The following HOXA9 variants were observed in gnomAD, a reference collection of about 807,000 sequenced individuals.
The protein encoded by HOXA9 is homeobox A9, also known as homeobox protein Hox-A9.
A neutral mutation model predicts 19.0 loss-of-function variants in HOXA9; 18 were observed. That is an observed-to-expected ratio of 0.95 (90% confidence interval 0.65 to 1.40). HOXA9 has a LOEUF of 1.40. HOXA9 is among the 40% of genes most tolerant of loss of function. HOXA9 has a pLI of 0.00. For synonymous variants in HOXA9, 198 were observed against 161.1 expected (o/e 1.23, Z -1.73); for missense variants, 443 against 372.2 (o/e 1.19, Z -1.57).
In HOXA9 at chr7:27,165,515, A is replaced by C; in HGVS notation, c.-58T>G. Reference sequence around the variant, plus strand: ...ACCCACGGAAATTATGAAACTGCAGATTTCATGTAACAACTTGGTGGCACC... The same window carrying C: ...ACCCACGGAAATTATGAAACTGCAGCTTTCATGTAACAACTTGGTGGCACC... On this transcript the variant is annotated 5_prime_UTR_variant, in exon 1 of 2. Coordinates refer to ENST00000343483, the MANE Select transcript of HOXA9 (RefSeq NM_152739.4). 1 of 1,481,496 alleles carries C rather than the reference A, an allele frequency of 6.7e-7. No homozygotes were observed. Among genetic ancestry groups the C allele is most frequent in the African/African-American group, 1.4e-5 (1 of 69,340 alleles). The allele number at this position is 1,481,496 out of a possible 1,614,324, so 91.8% of individuals were successfully genotyped here. A position where few individuals can be genotyped will look rare whatever the true frequency, so the allele number is the denominator to read the frequency against.
rs189277058 is a variant in HOXA9 at position 27,163,011 on chromosome 7, T to C, written c.*592A>G. Reference sequence around the variant, plus strand: ...GAAGACATATTCCACTACAGAGCTATACTCTATGCAACTGTTTTTTTCCCC... The same window carrying C: ...GAAGACATATTCCACTACAGAGCTACACTCTATGCAACTGTTTTTTTCCCC... On this transcript the variant is annotated 3_prime_UTR_variant, in exon 2 of 2. Transcript: ENST00000343483. 5 of 204,208 alleles carry C rather than the reference T, an allele frequency of 2.4e-5. No homozygotes were observed. The highest frequency in any genetic ancestry group is 1.8e-4 in the Admixed American group (3 of 16,744). 12.6% of individuals were successfully genotyped at this position (204,208 alleles called of 1,614,324 possible).
chr7:27,164,376 C>T (rs1783270293), intron 1 of HOXA9, among the ~76,000 whole-genome samples: 1 of 152,208 alleles, frequency 6.6e-6, no homozygotes, highest in Non-Finnish European at 1.5e-5. Flanking sequence ...TCATGGGGAC[C>T]CTTGTGGCCC....
rs780692577 is a variant in HOXA9, at chr7:27,163,840, A to G, written c.582T>C (p.Asn194=). The G allele has an allele frequency of 1.9e-6, 3 of 1,613,132 alleles. No homozygotes were observed. Among genetic ancestry groups the G allele is most frequent in the Non-Finnish European group, 2.5e-6 (3 of 1,179,490 alleles). Residue 194 remains asparagine (N), a splice_region_variant and synonymous_variant, in exon 2 of 2, where the codon AAT becomes AAC. Coordinates refer to ENST00000343483, the MANE Select transcript of HOXA9 (RefSeq NM_152739.4). ...SGGDKPPIDP[N]NPAANWLHAR... is the part of the protein sequence containing the mutation. ...CATGAAGCCAGTTGGCTGCTGGGTT[A>G]TCTGCGGGGAAGAGAAACACTGGGT... is the stretch of plus-strand genomic sequence containing the variant.
In HOXA9 at chr7:27,164,989, A is replaced by G. The variant is rs750288349; in HGVS notation, c.469T>C (p.Tyr157His). ...TCAACTGGAGGAGAACCACAAGCAT[A>G]GTCAGTCAGGGACAAAGTGTGAGTG... ...LDTHTLSLTD[Y>H]ACGSPPVDRE... The change falls in exon 1 of 2, where the codon TAT becomes CAT. Residue 157 changes from tyrosine to histidine, a missense_variant. Transcript: ENST00000343483. The G allele has an allele frequency of 3.1e-6, 5 of 1,614,236 alleles. No individual in the cohort carries two copies. The highest frequency in any genetic ancestry group is 4.2e-6 in the Non-Finnish European group (5 of 1,180,040).
chr7:27,163,750 C>A lies in HOXA9; in HGVS notation c.672G>T (p.Glu224Asp). ...TGGTGAGGTACATGTTGAACAGAAACTCTTTCTCCAGTTCCAGGGTCTGGT... is the reference window on the plus strand; with the variant it reads ...TGGTGAGGTACATGTTGAACAGAAAATCTTTCTCCAGTTCCAGGGTCTGGT... ...TKHQTLELEK[E>D]FLFNMYLTRD... Residue 224 changes from glutamate to aspartate, a missense_variant, in exon 2 of 2, where the codon GAG (glutamate) becomes GAT (aspartate). Glu to Asp is a conservative substitution (Grantham distance 45, BLOSUM62 2). Coordinates refer to ENST00000343483, the MANE Select transcript of HOXA9 (RefSeq NM_152739.4). The A allele has an allele frequency of 6.2e-7, 1 of 1,614,070 alleles. No individual in the cohort carries two copies. Among genetic ancestry groups the A allele is most frequent in the Non-Finnish European group, 8.5e-7 (1 of 1,180,014 alleles).
In HOXA9 at chr7:27,163,240, T is replaced by C. The variant is rs776708316; in HGVS notation, c.*363A>G. 3.9e-5 allele frequency: 10 copies of C among 259,504 alleles called. No homozygotes were observed. The highest frequency in any genetic ancestry group is 7.4e-5 in the Non-Finnish European group (10 of 134,586). The allele number at this position is 259,504 out of a possible 1,614,324, so 16.1% of individuals were successfully genotyped here. On this transcript the variant is annotated 3_prime_UTR_variant, in exon 2 of 2. Transcript: ENST00000343483. ...AAACTATACAGCCTACCATCAACAG[T>C]TGTGCATTATAAAAAGGTAGTTTCT...
At chr7:27,164,731 G>C (rs1583425959) in intron 1 of HOXA9, 147 bp downstream of exon 1, 1 of 1,304,044 alleles carries the variant, frequency 7.7e-7, no homozygotes, top group Non-Finnish European at 1.0e-6. Flanking sequence ...TATCTGAGGC[G>C]TCCCAAACAC....
Position 27,165,099 on chromosome 7 carries a change from G to T in HOXA9, c.359C>A (p.Ser120Tyr). 3.7e-6 allele frequency: 6 copies of T among 1,612,922 alleles called. No individual in the cohort carries two copies. The highest frequency in any genetic ancestry group is 5.1e-6 in the Non-Finnish European group (6 of 1,179,604). ...CCGGCTGGAGGGCAAGCCCGCGAAG[G>T]AGAGCGCACCGGGCGTGGGCTCCAG... ...SWLEPTPGAL[S>Y]FAGLPSSRPY... Residue 120 changes from serine (S) to tyrosine (Y), a missense_variant, in exon 1 of 2, where the codon TCC becomes TAC. By Grantham distance (144) the Ser-to-Tyr change is moderately radical. Coordinates refer to ENST00000343483, the MANE Select transcript of HOXA9 (RefSeq NM_152739.4).
In HOXA9 at chr7:27,165,193, G is replaced by A. The variant is rs778792261; in HGVS notation, c.265C>T (p.His89Tyr). The A allele has an allele frequency of 6.3e-7, 1 of 1,589,882 alleles. No individual in the cohort carries two copies. Among genetic ancestry groups the A allele is most frequent in the Admixed American group, 1.7e-5 (1 of 57,412 alleles). ...GGCGCCTGGGGGTGCACGTAGGGGT[G>A]GTGGTGATGGTGGTGGTACACCGCA... ...PAAVYHHHHH[H>Y]PYVHPQAPVA... Residue 89 changes from histidine (H) to tyrosine (Y), a missense_variant, in exon 1 of 2, where the codon CAC becomes TAC. Coordinates refer to ENST00000343483, the MANE Select transcript of HOXA9 (RefSeq NM_152739.4).
intron 1 of HOXA9, among the ~76,000 whole-genome samples, chr7:27,164,591 C>G (rs558072339): frequency 1.4e-3 from 212 of 152,378 alleles, no homozygotes; most frequent in African/African-American, 4.9e-3. Flanking sequence ...TGGGCCTGGG[C>G]AGCCAAGGAG....
Position 27,165,458 on chromosome 7 carries a change from C to T in HOXA9, c.-1G>A. The T allele has an allele frequency of 1.9e-6, 3 of 1,588,556 alleles. No homozygotes were observed. The highest frequency in any genetic ancestry group is 2.6e-6 in the Non-Finnish European group (3 of 1,171,378). ...TGCCCAGGGCCCCAGTGGTGGCCATCACCGTGCCCAGCGCCTGGCCCGCCC... is the reference window on the plus strand; with the variant it reads ...TGCCCAGGGCCCCAGTGGTGGCCATTACCGTGCCCAGCGCCTGGCCCGCCC... On this transcript the variant is annotated 5_prime_UTR_variant, in exon 1 of 2. Coordinates refer to ENST00000343483, the MANE Select transcript of HOXA9 (RefSeq NM_152739.4).
In HOXA9 at chr7:27,162,898, TC is replaced by T. The variant is rs1783229485; in HGVS notation, c.*704del. The T allele has an allele frequency of 5.0e-6, 1 of 199,536 alleles. No individual in the cohort carries two copies. The highest frequency in any genetic ancestry group is 1.9e-4 in the South Asian group (1 of 5,212). The allele number at this position is 199,536 out of a possible 1,614,324, so 12.4% of individuals were successfully genotyped here. A position where few individuals can be genotyped will look rare whatever the true frequency, so the allele number is the denominator to read the frequency against. On this transcript the variant is annotated 3_prime_UTR_variant, in exon 2 of 2. Coordinates refer to ENST00000343483, the MANE Select transcript of HOXA9 (RefSeq NM_152739.4). ...GTGGAGAAAATGATGAATCTATGCA[TC>T]CCCGAGAACACTTAAAATTTTTTTT... is the stretch of plus-strand genomic sequence containing the variant.
In HOXA9 at chr7:27,164,939, G is replaced by T. The variant is rs755618823; in HGVS notation, c.519C>A (p.Gly173=). ...PVDREKQPSE[G]AFSENNAENE... ...TCTCAGCATTGTTTTCAGAGAAGGC[G>T]CCTTCGCTGGGTTGTTTTTCTCTAT... Residue 173 remains glycine (G), a synonymous_variant, in exon 1 of 2, where the codon GGC becomes GGA. Transcript: ENST00000343483. 7 of 1,614,094 alleles carry T rather than the reference G, an allele frequency of 4.3e-6. No individual in the cohort carries two copies. Among genetic ancestry groups the T allele is most frequent in the Admixed American group, 3.3e-5 (2 of 60,012 alleles).
Position 27,163,609 on chromosome 7 carries a change from G to A in HOXA9, c.813C>T (p.Asp271=), listed in dbSNP as rs767844804. Residue 271 remains aspartate, a synonymous_variant, in exon 2 of 2, where the codon GAC becomes GAT. Coordinates refer to ENST00000343483, the MANE Select transcript of HOXA9 (RefSeq NM_152739.4). ...TAAATAAGCCCAAATGGCATCACTCGTCTTTTGCTCGGTCTTTGTTGATTT... is the reference window on the plus strand; with the variant it reads ...TAAATAAGCCCAAATGGCATCACTCATCTTTTGCTCGGTCTTTGTTGATTT... ...MKKINKDRAK[D]E is the part of the protein sequence containing the mutation. 8 of 1,609,972 alleles carry A rather than the reference G, an allele frequency of 5.0e-6. No individual in the cohort carries two copies. Among genetic ancestry groups the A allele is most frequent in the Middle Eastern group, 1.6e-4 (1 of 6,078 alleles).
chr7:27,162,812 T>A lies in HOXA9; in HGVS notation c.*791A>T, dbSNP rs1301624925. On this transcript the variant is annotated 3_prime_UTR_variant, in exon 2 of 2. Coordinates refer to ENST00000343483, the MANE Select transcript of HOXA9 (RefSeq NM_152739.4). ...TTTCTTTAATCATATAGATTATATATACAATAGACAAGACAGGACTATATA... is the reference window on the plus strand; with the variant it reads ...TTTCTTTAATCATATAGATTATATAAACAATAGACAAGACAGGACTATATA... 2 of 201,658 alleles carry A rather than the reference T, an allele frequency of 9.9e-6. No individual in the cohort carries two copies. Among genetic ancestry groups the A allele is most frequent in the Non-Finnish European group, 2.0e-5 (2 of 97,922 alleles). The allele number at this position is 201,658 out of a possible 1,614,324, so 12.5% of individuals were successfully genotyped here.
rs1264737961 is a variant in HOXA9, at chr7:27,165,119, C to T, written c.339G>A (p.Glu113=). The stretch of plus-strand genomic sequence containing the variant: ...CGAAGGAGAGCGCACCGGGCGTGGG[C>T]TCCAGCCAGGAGCGCATGTACCTGC... ...PDGRYMRSWL[E]PTPGALSFAG... is the part of the protein sequence containing the mutation. The change falls in exon 1 of 2, where the codon GAG becomes GAA. Residue 113 remains glutamate, a synonymous_variant. Coordinates refer to ENST00000343483, the MANE Select transcript of HOXA9 (RefSeq NM_152739.4). 6.8e-6 allele frequency: 11 copies of T among 1,609,510 alleles called. No homozygotes were observed. The highest frequency in any genetic ancestry group is 9.3e-6 in the Non-Finnish European group (11 of 1,178,150).
In HOXA9 at chr7:27,165,442, C is replaced by T; in HGVS notation, c.16G>A (p.Ala6Thr). 1.2e-6 allele frequency: 2 copies of T among 1,605,112 alleles called. No homozygotes were observed. The highest frequency in any genetic ancestry group is 1.7e-6 in the Non-Finnish European group (2 of 1,177,270). The change falls in exon 1 of 2, where the codon GCC (alanine) becomes ACC (threonine). Residue 6 changes from alanine to threonine, a missense_variant. By Grantham distance (58) the Ala-to-Thr change is moderately conservative. Transcript: ENST00000343483. ...GAGTCCACGTAGTAGTTGCCCAGGG[C>T]CCCAGTGGTGGCCATCACCGTGCCC... is the stretch of plus-strand genomic sequence containing the variant. MATTG[A>T]LGNYYVDSFL... is the part of the protein sequence containing the mutation.
chr7:27,162,910 C>G lies in HOXA9; in HGVS notation c.*693G>C. ...ATGAATCTATGCATCCCCGAGAACA[C>G]TTAAAATTTTTTTTTATTTCACTGG... On this transcript the variant is annotated 3_prime_UTR_variant, in exon 2 of 2. Transcript: ENST00000343483. 2 of 199,358 alleles carry G rather than the reference C, an allele frequency of 1.0e-5. No homozygotes were observed. The highest frequency in any genetic ancestry group is 2.3e-5 in the African/African-American group (1 of 43,426). The allele number at this position is 199,358 out of a possible 1,614,324, so 12.3% of individuals were successfully genotyped here. A position where few individuals can be genotyped will look rare whatever the true frequency, so the allele number is the denominator to read the frequency against.
rs1458967413 is a variant in HOXA9, at chr7:27,162,502, T to C, written c.*1101A>G. The C allele has an allele frequency of 4.8e-6, 1 of 206,432 alleles. No individual in the cohort carries two copies. The highest frequency in any genetic ancestry group is 9.9e-6 in the Non-Finnish European group (1 of 100,942). The allele number at this position is 206,432 out of a possible 1,614,324, so 12.8% of individuals were successfully genotyped here. ...ATATCATCTCAACACAACAATTTGG[T>C]CAGTAGGCCTTGAGGTAACTATTGC... On this transcript the variant is annotated 3_prime_UTR_variant, in exon 2 of 2. Coordinates refer to ENST00000343483, the MANE Select transcript of HOXA9 (RefSeq NM_152739.4).
Sources: gnomAD v4.1 joint callset for allele counts (sites outside exome capture counted in the v4.1 genomes callset) on GRCh38, gnomAD v4.1.1 for gene constraint, MANE v1.5 for transcripts, NCBI Gene and HGNC (gene_info 2026-07-23, HGNC 2026-07-21) for gene names.